The following ACACB variants were observed in gnomAD, a reference collection of about 807,000 sequenced individuals.
ACACB encodes acetyl-CoA carboxylase beta.
A neutral mutation model predicts 278.8 loss-of-function variants in ACACB; 209 were observed. That is an observed-to-expected ratio of 0.75 (90% CI 0.67 to 0.84). ACACB has a LOEUF of 0.84. Ranked by LOEUF, ACACB falls within the 40% of genes least tolerant of loss-of-function variation. ACACB has a pLI of 0.00. For missense variants in ACACB, 2,850 were observed against 3,269.0 expected, an observed-to-expected ratio of 0.87 and a Z score of 3.13; for synonymous variants, 1,174 against 1,285.6, an observed-to-expected ratio of 0.91 and a Z score of 1.86.
At chr12:109,202,319 A>C (rs2045360193) in intron 19 of ACACB, among the ~76,000 whole-genome samples, 1 of 151,848 alleles carries the variant, frequency 6.6e-6, no homozygotes, top group Admixed American at 6.6e-5. Flanking sequence ...TATTATTATT[A>C]TTCATTTTTT....
intron 2 of ACACB, among the ~76,000 whole-genome samples, chr12:109,154,505 T>C (rs2043463985): frequency 6.6e-6 from 1 of 152,216 alleles, no homozygotes; most frequent in African/African-American, 2.4e-5. Flanking sequence ...TAAAAATATA[T>C]ATCTCCGCAG....
chr12:109,152,494 T>C (rs1035403772), intron 2 of ACACB, among the ~76,000 whole-genome samples: 1 of 152,074 alleles, frequency 6.6e-6, no homozygotes, highest in Non-Finnish European at 1.5e-5. Flanking sequence ...GTTGTTGAAA[T>C]GTTATTTAAT....
At chr12:109,258,851 C>G (rs1206840410) in intron 46 of ACACB, 122 bp from the exon 47 acceptor site, 18 of 1,285,806 alleles carry the variant, frequency 1.4e-5, no homozygotes, top group Non-Finnish European at 1.9e-5. Flanking sequence ...AGCCCTGGCT[C>G]TGGTGCTGGG....
At position 109,260,622 on chromosome 12, in the gene ACACB, G is replaced by T. The variant is rs61753862; in HGVS notation, c.6639G>T (p.Pro2213=). ...SWVVIDATIN[P]LCIEMYADKE... The stretch of plus-strand genomic sequence containing the variant: ...TGGTCATAGATGCCACCATCAACCC[G>T]CTGTGCATAGAAATGTATGCAGACA... The change falls in exon 48 of 53, where the codon CCG becomes CCT. Residue 2213 remains proline, a synonymous_variant. Transcript: ENST00000338432. The T allele has an allele frequency of 3.6e-5, 57 of 1,604,386 alleles. No homozygotes were observed. The Middle Eastern group carries it at 8.4e-4, about 24-fold the overall frequency.
chr12:109,218,652 AT>A (rs578075666), intron 24 of ACACB, among the ~76,000 whole-genome samples: 1,724 of 128,236 alleles, frequency 0.013, 14 homozygotes, highest in South Asian at 0.039. Context: ...GGGTTTGGCA[AT>A]TTTTTTTTTT....
At chr12:109,253,910 C>A (rs561863025) in intron 43 of ACACB, among the ~76,000 whole-genome samples, 1 of 152,246 alleles carries the variant, frequency 6.6e-6, no homozygotes, top group South Asian at 2.1e-4. Context: ...AGATGTTTTT[C>A]CTCCTATCTG....
chr12:109,138,290 G>A (rs1053253195), intron 1 of ACACB, among the ~76,000 whole-genome samples: 1 of 152,182 alleles, frequency 6.6e-6, no homozygotes, highest in Non-Finnish European at 1.5e-5. Flanking sequence ...GTGTGGCTTA[G>A]AGATTGGAAT....
At chr12:109,181,891 C>T (rs888388001) in intron 11 of ACACB, among the ~76,000 whole-genome samples, 9 of 123,754 alleles carry the variant, frequency 7.3e-5, no homozygotes, top group African/African-American at 2.5e-4. Context: ...GTTGCCCAGG[C>T]TGGAGTACAG....
At chr12:109,258,830 C>G (rs2047301159) in intron 46 of ACACB, 143 bp from the exon 47 acceptor site, 1 of 1,085,218 alleles carries the variant, frequency 9.2e-7, no homozygotes, top group African/African-American at 1.6e-5. Flanking sequence ...GATGGGGCTT[C>G]CATCCTTCTG....
chr12:109,139,005 C>T (rs1248973459), intron 1 of ACACB, among the ~76,000 whole-genome samples: 1 of 152,158 alleles, frequency 6.6e-6, no homozygotes, highest in Admixed American at 6.5e-5. Context: ...TTTCATCATC[C>T]CAAACAGAAA....
chr12:109,125,603 G>T (rs375898658), intron 1 of ACACB: 1 of 151,930 alleles, frequency 6.6e-6, no homozygotes, highest in Non-Finnish European at 1.5e-5. Context: ...AAATCACTTA[G>T]CGCAATGCTT....
At chr12:109,189,229 G>T (rs766980573) in intron 13 of ACACB, among the ~76,000 whole-genome samples, 1 of 152,190 alleles carries the variant, frequency 6.6e-6, no homozygotes, top group East Asian at 1.9e-4. Flanking sequence ...AAAATCTGAC[G>T]TGGGGCACTT....
At chr12:109,258,729 C>T (rs554202485) in intron 46 of ACACB, among the ~76,000 whole-genome samples, 8 of 152,272 alleles carry the variant, frequency 5.3e-5, no homozygotes, top group African/African-American at 9.6e-5. Flanking sequence ...GTGACCTTGA[C>T]GAGCTTGGCA....
chr12:109,164,688 G>T (rs1026422905), intron 2 of ACACB, among the ~76,000 whole-genome samples: 5 of 151,712 alleles, frequency 3.3e-5, no homozygotes, highest in African/African-American at 1.2e-4. Flanking sequence ...AGGACTACAG[G>T]CAGGTGCCAC....
intron 17 of ACACB, 61 bp downstream of exon 17, chr12:109,197,214 G>A: frequency 6.4e-7 from 1 of 1,556,900 alleles, no homozygotes; most frequent in Non-Finnish European, 8.6e-7. Flanking sequence ...TCCTAGGCAT[G>A]GAAAACACAG....
At chr12:109,262,983 T>TATATATATATATATATATATATA (rs1491252356) in intron 49 of ACACB, 47 of 134,866 alleles carry the variant, frequency 3.5e-4, no homozygotes, top group East Asian at 6.5e-4. Context: ...TATATATATA[T>TATATATATATATATATATATATA]TGCCATCGTG....
intron 13 of ACACB, among the ~76,000 whole-genome samples, chr12:109,191,254 C>T (rs890317303): frequency 4.6e-5 from 7 of 150,734 alleles, no homozygotes; most frequent in African/African-American, 2.4e-5. Flanking sequence ...TGCTCTGTCG[C>T]CCAGCCTGGA....
rs139477543 is a variant in ACACB at position 109,150,083 on chromosome 12, C to G, written c.653+10025C>G. On this transcript the variant is annotated intron_variant, in intron 2 of 52. Transcript: ENST00000338432. ...ATTGAGTTGCTGTAAGTACAGCACT[C>G]GAAGCAGCACCCATGGTGCGATCAT... Among the ~76,000 whole-genome samples the G allele has an allele frequency of 1.8e-3, 277 of 152,206 alleles. 2 individuals carry two copies. The highest frequency in any genetic ancestry group is 0.01 in the Middle Eastern group (3 of 294).
At chr12:109,264,987 TG>T (rs1192561992) in intron 50 of ACACB, 122 bp from the exon 51 acceptor site, 1 of 1,114,102 alleles carries the variant, frequency 9.0e-7, no homozygotes, top group Non-Finnish European at 1.3e-6. Flanking sequence ...TTGCCTGGGA[TG>T]ATCTGGGAAT....
Sources: allele counts gnomAD v4.1 joint callset (sites outside exome capture counted in the v4.1 genomes callset), GRCh38; gene constraint gnomAD v4.1.1; transcripts MANE v1.5; gene names NCBI Gene and HGNC (gene_info 2026-07-23, HGNC 2026-07-21).